GRID1: variants seen among roughly 807,000 people sequenced by gnomAD.
The protein encoded by GRID1 is glutamate receptor ionotropic, delta-1.
Under a neutral mutation model 98.0 loss-of-function variants are expected in GRID1, and 28 were observed. The observed-to-expected ratio is 0.29, with a 90% CI of 0.21 to 0.39. The LOEUF is 0.39. Ranked by LOEUF, GRID1 falls within the 10% of genes least tolerant of loss-of-function variation. The probability of loss-of-function intolerance (pLI) is 1.00; values close to 1 mark genes in which losing one functional copy is unlikely to be tolerated. For synonymous variants in GRID1, 553 were observed against 538.5 expected, an observed-to-expected ratio of 1.03 and a Z score of -0.37; for missense variants, 1,111 against 1,340.5, an observed-to-expected ratio of 0.83 and a Z score of 2.67.
Position 86,366,352 on chromosome 10 carries a change from T to C in GRID1, c.41A>G (p.Gln14Arg). ...GGAGTCGGCCCGCACCGACACGCAC[T>C]GGCATATCCAGGGGAGAAGCCACAG... The part of the protein sequence containing the change: ...LTLWLLPWIC[Q>R]CVSVRADSII... The change falls in exon 1 of 16, where the codon CAG becomes CGG. Residue 14 changes from glutamine (Q) to arginine (R), a missense_variant. This residue lies in a region of GRID1 where 346 missense variants were observed against 452.3 expected (regional missense o/e 0.76). Coordinates refer to ENST00000327946, the MANE Select transcript of GRID1 (RefSeq NM_017551.3). This position sits in a 1 kb window ranked among gnomAD's most constrained non-coding sequence, Gnocchi z 4.1. 1.3e-6 allele frequency: 2 copies of C among 1,522,546 alleles called. No individual in the cohort carries two copies. Among genetic ancestry groups the C allele is most frequent in the East Asian group, 2.6e-5 (1 of 37,752 alleles). 94.3% of individuals were successfully genotyped at this position (1,522,546 alleles called of 1,614,324 possible).
chr10:86,081,929 A>G (rs1843984157), intron 4 of GRID1, among the ~76,000 whole-genome samples: 1 of 152,238 alleles, frequency 6.6e-6, no homozygotes, highest in Non-Finnish European at 1.5e-5. Context: ...AACTTATGTC[A>G]TTACACATTT....
At chr10:86,236,476 C>T (rs1215466341) in intron 2 of GRID1, among the ~76,000 whole-genome samples, 1 of 152,208 alleles carries the variant, frequency 6.6e-6, no homozygotes, top group Non-Finnish European at 1.5e-5. Flanking sequence ...ACTGTCCCCA[C>T]TTCATCCCTA....
intron 4 of GRID1, among the ~76,000 whole-genome samples, chr10:85,971,375 C>T (rs1451067406): frequency 6.6e-6 from 1 of 151,928 alleles, no homozygotes; most frequent in African/African-American, 2.4e-5. Context: ...CACCAAAAGA[C>T]ACCAAATTTA....
intron 4 of GRID1, among the ~76,000 whole-genome samples, chr10:85,991,970 G>A (rs1842685932): frequency 2.0e-5 from 3 of 152,186 alleles, no homozygotes; most frequent in Admixed American, 2.0e-4. Flanking sequence ...AGAGAAATGT[G>A]GAAAAGAAAA....
intron 12 of GRID1, among the ~76,000 whole-genome samples, chr10:85,677,587 A>C (rs1303614676): frequency 6.6e-6 from 1 of 152,236 alleles, no homozygotes; most frequent in African/African-American, 2.4e-5. Context: ...AAAGCTGAGA[A>C]GATACAAACC....
intron 8 of GRID1, among the ~76,000 whole-genome samples, chr10:85,817,205 C>T (rs12764897): frequency 0.33 from 50,563 of 151,984 alleles, 9,072 homozygotes; most frequent in African/African-American, 0.45. Flanking sequence ...TTATATTCCT[C>T]TGGGTATATA....
At chr10:86,314,895 C>T (rs966129356) in intron 2 of GRID1, among the ~76,000 whole-genome samples, 5 of 152,166 alleles carry the variant, frequency 3.3e-5, no homozygotes, top group African/African-American at 9.7e-5. Flanking sequence ...CATCACAGAG[C>T]CACCAAGGCT....
At chr10:86,187,073 A>T (rs1283264467) in intron 3 of GRID1, among the ~76,000 whole-genome samples, 1 of 152,160 alleles carries the variant, frequency 6.6e-6, no homozygotes, top group East Asian at 1.9e-4. Context: ...TTACCTTATC[A>T]TTTGACCATC....
At chr10:85,964,149 T>C (rs1842307148) in intron 4 of GRID1, among the ~76,000 whole-genome samples, 1 of 152,058 alleles carries the variant, frequency 6.6e-6, no homozygotes, top group African/African-American at 2.4e-5. Context: ...CACAAACAAA[T>C]GGAAAAACAT....
chr10:85,979,436 T>C (rs1440825194), intron 4 of GRID1, among the ~76,000 whole-genome samples: 2 of 152,080 alleles, frequency 1.3e-5, no homozygotes, highest in Non-Finnish European at 2.9e-5. Context: ...AGGATGGAAA[T>C]CTGAGATTAA....
intron 5 of GRID1, among the ~76,000 whole-genome samples, chr10:85,886,248 T>C (rs1195843178): frequency 6.6e-6 from 1 of 152,248 alleles, no homozygotes; most frequent in African/African-American, 2.4e-5. Context: ...GTTTGAGTCC[T>C]GAGCAGAGTC....
At chr10:85,977,406 C>A (rs1842486067) in intron 4 of GRID1, among the ~76,000 whole-genome samples, 1 of 152,054 alleles carries the variant, frequency 6.6e-6, no homozygotes, top group Non-Finnish European at 1.5e-5. Flanking sequence ...GGGTGCAGAC[C>A]CCACCTAAAG....
chr10:86,093,449 T>C (rs562475746), intron 4 of GRID1, among the ~76,000 whole-genome samples: 84 of 146,186 alleles, frequency 5.7e-4, no homozygotes, highest in African/African-American at 1.8e-3. Flanking sequence ...ATAAAATTAA[T>C]AGACCATTAG....
chr10:86,193,209 A>G (rs932250280), intron 3 of GRID1, among the ~76,000 whole-genome samples: 3 of 151,936 alleles, frequency 2.0e-5, no homozygotes, highest in African/African-American at 7.2e-5. Flanking sequence ...TGAGATCTGA[A>G]TCGCCACCTG....
rs543546007 is a variant in GRID1, at chr10:85,634,476, G to A, written c.2193+12726C>T. On this transcript the variant is annotated intron_variant, in intron 13 of 15. Transcript: ENST00000327946. ...TTATTGATGATGACAAGATAATGAT[G>A]ACAATGATAATAACAGTAGTAATAA... is the stretch of plus-strand genomic sequence containing the variant. 6.6e-5 allele frequency among the ~76,000 whole-genome samples: 10 copies of A among 152,218 alleles called. No individual in the cohort carries two copies. The South Asian group carries it at 1.9e-3, about 28-fold the overall frequency.
At chr10:86,338,317 A>T (rs1047464980) in intron 2 of GRID1, among the ~76,000 whole-genome samples, 1 of 152,116 alleles carries the variant, frequency 6.6e-6, no homozygotes, top group Non-Finnish European at 1.5e-5. Flanking sequence ...TGGAAAGGGA[A>T]TGTGGTCTTT....
chr10:86,004,749 C>CACACACACACAA lies in GRID1; in HGVS notation c.727-88511_727-88510insTTGTGTGTGTGT, dbSNP rs10528713. Reference sequence around the variant, plus strand: ...TTCTACACACACACACTCACACACACACACACACAGACTTGATTCTGTTTC... The same window carrying CACACACACACAA: ...TTCTACACACACACACTCACACACACACACACACACAAACACACACAGACTTGATTCTGTTTC... On this transcript the variant is annotated intron_variant, in intron 4 of 15. Coordinates refer to ENST00000327946, the MANE Select transcript of GRID1 (RefSeq NM_017551.3). Among the ~76,000 whole-genome samples, 31 of 151,456 alleles carry CACACACACACAA rather than the reference C, an allele frequency of 2.0e-4. 1 individual carries two copies. In the South Asian group the frequency reaches 2.3e-3, roughly 11 times the overall value.
intron 8 of GRID1, among the ~76,000 whole-genome samples, chr10:85,743,517 G>A (rs1253557828): frequency 2.6e-5 from 4 of 152,144 alleles, no homozygotes. Flanking sequence ...AAAATATGTG[G>A]AATTGGCTTT....
At chr10:85,841,415 T>C (rs962496194) in intron 8 of GRID1, among the ~76,000 whole-genome samples, 16 of 152,134 alleles carry the variant, frequency 1.1e-4, no homozygotes, top group African/African-American at 3.9e-4. Context: ...ATTCAGGACA[T>C]AGGTATGAAC....
Sources: allele counts gnomAD v4.1 joint callset (sites outside exome capture counted in the v4.1 genomes callset), GRCh38; gene constraint gnomAD v4.1.1; regional missense constraint gnomAD v4.1.1; non-coding constraint Gnocchi (gnomAD v3.1); transcripts MANE v1.5; gene names NCBI Gene and HGNC (gene_info 2026-07-23, HGNC 2026-07-21).